GABRB1: variants seen among roughly 807,000 people sequenced by gnomAD.
GABRB1 encodes the protein gamma-aminobutyric acid type A receptor subunit beta1, also known as gamma-aminobutyric acid receptor subunit beta-1.
In GABRB1, 17 loss-of-function variants were observed where a neutral mutation model predicts 51.6. The observed-to-expected ratio is 0.33, with a 90% CI of 0.23 to 0.49. The LOEUF (loss-of-function observed/expected upper bound fraction) is 0.49. GABRB1 is among the 20% of genes least tolerant of loss of function. The pLI, the probability that GABRB1 is intolerant of heterozygous loss-of-function variation, is 0.99. For missense variants in GABRB1, 410 were observed against 600.6 expected (o/e 0.68, Z 3.32); for synonymous variants, 247 against 218.9 (o/e 1.13, Z -1.14).
intron 1 of GABRB1, among the ~76,000 whole-genome samples, chr4:47,012,650 G>A (rs1421291138): frequency 6.6e-6 from 1 of 152,162 alleles, no homozygotes; most frequent in Non-Finnish European, 1.5e-5. Context: ...AAAGTCCAAT[G>A]TTGTTTATTC....
At chr4:47,267,368 T>C (rs919413945) in intron 4 of GABRB1, among the ~76,000 whole-genome samples, 14 of 148,010 alleles carry the variant, frequency 9.5e-5, no homozygotes, top group African/African-American at 3.0e-4. Context: ...AGAGTAGGAA[T>C]AAAAACCAAG....
chr4:47,254,693 C>T (rs571629395), intron 4 of GABRB1, among the ~76,000 whole-genome samples: 7 of 152,092 alleles, frequency 4.6e-5, no homozygotes, highest in Non-Finnish European at 1.5e-5. Flanking sequence ...TGTTTCAACT[C>T]CCATAAAATA....
intron 3 of GABRB1, among the ~76,000 whole-genome samples, chr4:47,107,291 G>A (rs1362226575): frequency 1.3e-5 from 2 of 151,906 alleles, no homozygotes; most frequent in African/African-American, 4.8e-5. Flanking sequence ...CTAAAAAAAG[G>A]GATCGAGCCT....
intron 4 of GABRB1, among the ~76,000 whole-genome samples, chr4:47,203,313 T>TACA (rs1405510547): frequency 1.3e-5 from 2 of 151,786 alleles, no homozygotes; most frequent in Non-Finnish European, 2.9e-5. Flanking sequence ...TTGTAAGGAG[T>TACA]CGTTCAACGT....
intron 4 of GABRB1, among the ~76,000 whole-genome samples, chr4:47,311,109 C>T (rs555908484): frequency 4.7e-5 from 7 of 147,392 alleles, no homozygotes; most frequent in East Asian, 2.0e-4. Flanking sequence ...AGATGAAGTC[C>T]GCTGGAGGAC....
intron 5 of GABRB1, among the ~76,000 whole-genome samples, chr4:47,350,908 G>C (rs1375008528): frequency 6.6e-6 from 1 of 152,182 alleles, no homozygotes; most frequent in Non-Finnish European, 1.5e-5. Context: ...TTCAGTGAAG[G>C]ATGCCCAACT....
chr4:47,080,027 C>G (rs1163842314), intron 3 of GABRB1, among the ~76,000 whole-genome samples: 26 of 151,934 alleles, frequency 1.7e-4, no homozygotes, highest in Admixed American at 1.7e-3. Flanking sequence ...AAAAAACTGC[C>G]AAACTGCCAA....
intron 3 of GABRB1, among the ~76,000 whole-genome samples, chr4:47,043,552 G>C (rs1273401088): frequency 1.3e-5 from 2 of 152,040 alleles, no homozygotes; most frequent in Non-Finnish European, 2.9e-5. Flanking sequence ...CATAGTCACT[G>C]TTCTGCTGTT....
At chr4:47,363,243 C>G (rs1346960715) in intron 5 of GABRB1, among the ~76,000 whole-genome samples, 1 of 152,164 alleles carries the variant, frequency 6.6e-6, no homozygotes, top group African/African-American at 2.4e-5. Flanking sequence ...GTTGAAGTAA[C>G]TTGTCCATAG....
intron 5 of GABRB1, among the ~76,000 whole-genome samples, chr4:47,333,316 T>G (rs1725570809): frequency 6.6e-6 from 1 of 150,654 alleles, no homozygotes. Context: ...TTATCTATAC[T>G]TGGGAGAGAC....
At chr4:47,085,567 G>T (rs1728023012) in intron 3 of GABRB1, among the ~76,000 whole-genome samples, 1 of 151,876 alleles carries the variant, frequency 6.6e-6, no homozygotes, top group Non-Finnish European at 1.5e-5. Flanking sequence ...ATTTAGAACA[G>T]CAAGTTCTAA....
chr4:47,252,152 G>T (rs1419718979), intron 4 of GABRB1, among the ~76,000 whole-genome samples: 2 of 149,512 alleles, frequency 1.3e-5, no homozygotes, highest in African/African-American at 4.9e-5. Flanking sequence ...TGCCAGGCAG[G>T]AATGGCCTGC....
intron 3 of GABRB1, among the ~76,000 whole-genome samples, chr4:47,132,141 C>T (rs949673577): frequency 8.5e-5 from 13 of 152,144 alleles, no homozygotes; most frequent in Non-Finnish European, 4.4e-5. Flanking sequence ...GCATTGGGCT[C>T]ATTTCACTAG....
intron 4 of GABRB1, among the ~76,000 whole-genome samples, chr4:47,301,199 A>C (rs1724246089): frequency 6.6e-6 from 1 of 152,212 alleles, no homozygotes; most frequent in Non-Finnish European, 1.5e-5. Flanking sequence ...TATCCTAATG[A>C]GATACACTAC....
intron 5 of GABRB1, among the ~76,000 whole-genome samples, chr4:47,339,365 G>C (rs1225295351): frequency 1.3e-5 from 2 of 152,184 alleles, no homozygotes; most frequent in African/African-American, 4.8e-5. Flanking sequence ...GCTCTGTTCA[G>C]TGCCAGCAAG....
chr4:47,019,651 C>A (rs536139142), intron 1 of GABRB1, among the ~76,000 whole-genome samples: 1 of 135,314 alleles, frequency 7.4e-6, no homozygotes, highest in East Asian at 2.3e-4. Flanking sequence ...TTCTTTCTTT[C>A]TTTCTTTCTT....
At chr4:47,020,334 C>A (rs566742203) in intron 1 of GABRB1, among the ~76,000 whole-genome samples, 1 of 152,192 alleles carries the variant, frequency 6.6e-6, no homozygotes, top group East Asian at 1.9e-4. Flanking sequence ...TTGGGGGGAA[C>A]AATTCAATTC....
intron 4 of GABRB1, among the ~76,000 whole-genome samples, chr4:47,232,435 T>C (rs1361056408): frequency 2.0e-5 from 3 of 152,230 alleles, no homozygotes; most frequent in Non-Finnish European, 2.9e-5. Context: ...ATCCTTCAAA[T>C]GTTAATCTTT....
intron 5 of GABRB1, among the ~76,000 whole-genome samples, chr4:47,320,919 G>C (rs189326892): frequency 6.6e-6 from 1 of 152,038 alleles, no homozygotes; most frequent in African/African-American, 2.4e-5. Context: ...ATAGGCGCCC[G>C]CCACCACGCC....
Sources: allele counts gnomAD v4.1 joint callset (sites outside exome capture counted in the v4.1 genomes callset), GRCh38; gene constraint gnomAD v4.1.1; transcripts MANE v1.5; gene names NCBI Gene and HGNC (gene_info 2026-07-23, HGNC 2026-07-21).